NCOA6: variants seen among roughly 807,000 people sequenced by gnomAD.
The protein encoded by NCOA6 is NRC RAP250.
In NCOA6, 49 loss-of-function variants were observed where a neutral mutation model predicts 171.4. The ratio of observed to expected loss-of-function variants is 0.29; its 90% CI spans 0.23 to 0.36. The LOEUF is 0.36. Ranked by LOEUF, NCOA6 falls within the 10% of genes least tolerant of loss-of-function variation. The probability of loss-of-function intolerance (pLI) is 1.00; values close to 1 mark genes in which losing one functional copy is unlikely to be tolerated. For missense variants in NCOA6, 2,248 were observed against 2,554.5 expected, an observed-to-expected ratio of 0.88 and a Z score of 2.59; for synonymous variants, 910 against 927.5, an observed-to-expected ratio of 0.98 and a Z score of 0.34.
rs371253231 is a variant in NCOA6, at chr20:34,758,116, T to C, written c.644-12A>G. ...TGGATCCATTGCATCTGTTTAAAGA[T>C]AGTCAACAAAGCAATAATTAACCTA... is the stretch of plus-strand genomic sequence containing the variant. On this transcript the variant is annotated splice_polypyrimidine_tract_variant and intron_variant, in intron 6 of 14. Transcript: ENST00000359003. 3.3e-5 allele frequency: 52 copies of C among 1,591,352 alleles called. No individual in the cohort carries two copies. In the African/African-American group the frequency reaches 6.2e-4, roughly 19 times the overall value.
chr20:34,788,380 C>T (rs1405622240), intron 2 of NCOA6, among the ~76,000 whole-genome samples: 1 of 152,086 alleles, frequency 6.6e-6, no homozygotes. Context: ...TACTTTTAAG[C>T]ATGTAGATTA....
rs1473084953 is a variant in NCOA6 at position 34,815,732 on chromosome 20, A to C, written c.-164+9740T>G. On this transcript the variant is annotated intron_variant, in intron 1 of 14. Coordinates refer to ENST00000359003, the MANE Select transcript of NCOA6 (RefSeq NM_014071.5). ...GACTCACCAAGAAGAGAGGGCTAAC[A>C]AAACCCTCAAAGTTTGTTGTTTTAC... Among the ~76,000 whole-genome samples, 2 of 152,128 alleles carry C rather than the reference A, an allele frequency of 1.3e-5. 1 individual carries two copies. The highest frequency in any genetic ancestry group is 2.9e-5 in the Non-Finnish European group (2 of 68,018).
At chr20:34,769,572 C>T (rs1033071354) in intron 4 of NCOA6, among the ~76,000 whole-genome samples, 1 of 152,100 alleles carries the variant, frequency 6.6e-6, no homozygotes, top group African/African-American at 2.4e-5. Context: ...CCACGTTGGC[C>T]AGGCTGGTCT....
intron 4 of NCOA6, among the ~76,000 whole-genome samples, chr20:34,775,663 A>C (rs2077291289): frequency 8.8e-6 from 1 of 113,470 alleles, no homozygotes; most frequent in South Asian, 2.7e-4. Flanking sequence ...CCATCCTGGG[A>C]CTCTGTCTCA....
intron 13 of NCOA6, among the ~76,000 whole-genome samples, chr20:34,728,458 A>G (rs1990232144): frequency 6.6e-6 from 1 of 152,140 alleles, no homozygotes. Context: ...ACATCTGGAG[A>G]CATTTTTGAT....
intron 9 of NCOA6, among the ~76,000 whole-genome samples, chr20:34,748,203 A>G (rs1235006350): frequency 6.6e-6 from 1 of 152,252 alleles, no homozygotes; most frequent in Non-Finnish European, 1.5e-5. Context: ...TAAAATATTT[A>G]TTAAATAATT....
chr20:34,808,436 C>CTTTTTTTTTTT (rs957085400), intron 1 of NCOA6, among the ~76,000 whole-genome samples: 1 of 125,492 alleles, frequency 8.0e-6, no homozygotes, highest in Non-Finnish European at 1.7e-5. Flanking sequence ...CTTGTCTGTG[C>CTTTTTTTTTTT]TTTTTTTTTT....
chr20:34,777,977 G>A (rs2077386832), intron 3 of NCOA6, among the ~76,000 whole-genome samples: 1 of 152,110 alleles, frequency 6.6e-6, no homozygotes, highest in Non-Finnish European at 1.5e-5. Flanking sequence ...GCATGATCTT[G>A]GCTCACTGCA....
intron 5 of NCOA6, among the ~76,000 whole-genome samples, chr20:34,763,428 C>A (rs1425962154): frequency 6.6e-6 from 1 of 152,158 alleles, no homozygotes; most frequent in Non-Finnish European, 1.5e-5. Context: ...CCCCCCATCT[C>A]TCCTTATGTT....
At chr20:34,746,273 A>G (rs538134656) in intron 10 of NCOA6, among the ~76,000 whole-genome samples, 2 of 148,006 alleles carry the variant, frequency 1.4e-5, no homozygotes, top group African/African-American at 5.0e-5. Flanking sequence ...TTTTTTTGAG[A>G]CAGGGTCCCA....
intron 13 of NCOA6, among the ~76,000 whole-genome samples, chr20:34,732,314 A>T (rs1012041419): frequency 6.6e-6 from 1 of 152,224 alleles, no homozygotes. Context: ...AGAACATGTT[A>T]TCTCACTCAG....
intron 1 of NCOA6, among the ~76,000 whole-genome samples, chr20:34,814,792 A>G (rs1370584472): frequency 6.6e-6 from 1 of 152,124 alleles, no homozygotes; most frequent in Non-Finnish European, 1.5e-5. Context: ...GGGTTTCACC[A>G]TGTTGGCCAG....
chr20:34,750,886 T>G (rs2076455985), intron 8 of NCOA6, among the ~76,000 whole-genome samples: 1 of 152,152 alleles, frequency 6.6e-6, no homozygotes, highest in Non-Finnish European at 1.5e-5. Context: ...GGGTGGTTCA[T>G]GCCTGTAATC....
rs372537847 is a variant in NCOA6 at position 34,804,288 on chromosome 20, G to T, written c.-163-11725C>A. 3.7e-4 allele frequency among the ~76,000 whole-genome samples: 56 copies of T among 151,966 alleles called. No individual in the cohort carries two copies. The South Asian group carries it at 4.6e-3, about 12-fold the overall frequency. ...GGAGGTGGAGGTTGCAGTAAGCCGA[G>T]ATCACGCCACTGCACTCCAGCCTGG... is the stretch of plus-strand genomic sequence containing the variant. On this transcript the variant is annotated intron_variant, in intron 1 of 14. Coordinates refer to ENST00000359003, the MANE Select transcript of NCOA6 (RefSeq NM_014071.5).
intron 1 of NCOA6, among the ~76,000 whole-genome samples, chr20:34,796,936 G>T (rs2078096185): frequency 6.6e-6 from 1 of 152,172 alleles, no homozygotes; most frequent in Admixed American, 6.5e-5. Context: ...TTTGAACCAT[G>T]TGAATATATT....
chr20:34,718,121 C>T (rs889052534), intron 14 of NCOA6, among the ~76,000 whole-genome samples: 2 of 152,172 alleles, frequency 1.3e-5, no homozygotes, highest in African/African-American at 4.8e-5. Context: ...AACCCACAAA[C>T]ACACCATTAA....
At chr20:34,732,483 A>C in intron 13 of NCOA6, 76 bp downstream of exon 13, 1 of 1,430,514 alleles carries the variant, frequency 7.0e-7, no homozygotes, top group Non-Finnish European at 9.8e-7. Context: ...GAGAGGTTTA[A>C]AGACTGAGAC....
At chr20:34,812,597 G>A (rs569894887) in intron 1 of NCOA6, among the ~76,000 whole-genome samples, 6 of 151,932 alleles carry the variant, frequency 3.9e-5, no homozygotes, top group South Asian at 2.1e-4. Flanking sequence ...ATTATAAACC[G>A]TAAGTCAGAG....
chr20:34,779,630 C>T (rs910484184), intron 3 of NCOA6, among the ~76,000 whole-genome samples: 3 of 152,150 alleles, frequency 2.0e-5, no homozygotes, highest in Non-Finnish European at 4.4e-5. Flanking sequence ...GTTATACATT[C>T]TAATATTAAG....
Sources: gnomAD v4.1 joint callset for allele counts (sites outside exome capture counted in the v4.1 genomes callset) on GRCh38, gnomAD v4.1.1 for gene constraint, MANE v1.5 for transcripts, NCBI Gene and HGNC (gene_info 2026-07-23, HGNC 2026-07-21) for gene names.